The following EPHA5 variants were observed in gnomAD, a reference collection of about 807,000 sequenced individuals.
The protein encoded by EPHA5 is ephrin type-A receptor 5.
A neutral mutation model predicts 105.0 loss-of-function variants in EPHA5; 60 were observed. That is an observed-to-expected ratio of 0.57 (90% confidence interval 0.46 to 0.71). The LOEUF (loss-of-function observed/expected upper bound fraction) is 0.71, where lower values mean the gene tolerates loss of function less well. Among genes scored for constraint, EPHA5 ranks in the 30% least tolerant of loss-of-function variants. The pLI, the probability that EPHA5 is intolerant of heterozygous loss-of-function variation, is 0.00. For synonymous variants in EPHA5, 513 were observed against 449.1 expected, an observed-to-expected ratio of 1.14 and a Z score of -1.80; for missense variants, 1,218 against 1,274.7, an observed-to-expected ratio of 0.96 and a Z score of 0.68.
At chr4:65,549,875 C>G (rs868272292) in intron 3 of EPHA5, among the ~76,000 whole-genome samples, 22 of 151,952 alleles carry the variant, frequency 1.4e-4, no homozygotes, top group Admixed American at 2.6e-4. Context: ...AGTTCCTGTC[C>G]TGCTAAGATT....
At chr4:65,521,655 A>G (rs1734733220) in intron 3 of EPHA5, among the ~76,000 whole-genome samples, 1 of 152,024 alleles carries the variant, frequency 6.6e-6, no homozygotes, top group South Asian at 2.1e-4. Context: ...TTAGAATTGA[A>G]GTATGCTGAG....
intron 5 of EPHA5, among the ~76,000 whole-genome samples, chr4:65,460,815 T>C (rs1196642465): frequency 6.6e-6 from 1 of 151,818 alleles, no homozygotes; most frequent in Non-Finnish European, 1.5e-5. Flanking sequence ...TCAATGTACG[T>C]GTGTGTTTGA....
intron 2 of EPHA5, among the ~76,000 whole-genome samples, chr4:65,616,069 G>T (rs35284261): frequency 0.24 from 37,137 of 151,650 alleles, 5,231 homozygotes; most frequent in East Asian, 0.56. Flanking sequence ...TAAACAAACT[G>T]TAGTACATTA....
At chr4:65,329,877 A>G (rs1401105355) in intron 16 of EPHA5, among the ~76,000 whole-genome samples, 1 of 150,010 alleles carries the variant, frequency 6.7e-6, no homozygotes, top group Non-Finnish European at 1.5e-5. Context: ...AATTTTTTTG[A>G]CCAAGAAAGT....
chr4:65,456,801 T>G (rs184987580), intron 5 of EPHA5, among the ~76,000 whole-genome samples: 54 of 152,148 alleles, frequency 3.5e-4, no homozygotes, highest in African/African-American at 1.3e-3. Flanking sequence ...CAGAGGTGAT[T>G]AGTAATACAT....
chr4:65,584,337 A>C (rs1454367181), intron 3 of EPHA5, among the ~76,000 whole-genome samples: 2 of 151,914 alleles, frequency 1.3e-5, no homozygotes, highest in African/African-American at 4.8e-5. Context: ...TAATGTCTTA[A>C]CTATGGAATT....
intron 3 of EPHA5, among the ~76,000 whole-genome samples, chr4:65,601,034 T>C (rs924375588): frequency 6.6e-6 from 1 of 152,164 alleles, no homozygotes; most frequent in Non-Finnish European, 1.5e-5. Context: ...AAATAGTTAT[T>C]TTTGTGGGGC....
At chr4:65,382,754 A>T (rs1719683729) in intron 8 of EPHA5, among the ~76,000 whole-genome samples, 1 of 151,780 alleles carries the variant, frequency 6.6e-6, no homozygotes, top group African/African-American at 2.4e-5. Flanking sequence ...GAACTCAAAC[A>T]TCATTATTTT....
rs780756647 is a variant in EPHA5 at position 65,490,540 on chromosome 4, C to A, written c.1239G>T (p.Arg413Ser). 13 of 1,614,066 alleles carry A rather than the reference C, an allele frequency of 8.1e-6. No individual in the cohort carries two copies. The highest frequency in any genetic ancestry group is 5.3e-5 in the African/African-American group (4 of 75,008). The change falls in exon 5 of 17, where the codon AGG (arginine) becomes AGT (serine). Residue 413 changes from arginine to serine, a missense_variant. Arg to Ser is a moderately radical substitution (Grantham distance 110, BLOSUM62 -1). Transcript: ENST00000613740. ...TCAGGCCGCTTTGCCGGGGAAGGTA[C>A]CTGACATGACCGCCACACTCCTCAC... ...GVCEECGGHV[R>S]YLPRQSGLKN...
At chr4:65,391,614 C>T (rs1371900078) in intron 8 of EPHA5, among the ~76,000 whole-genome samples, 1 of 152,038 alleles carries the variant, frequency 6.6e-6, no homozygotes, top group East Asian at 1.9e-4. Context: ...GTATCAGGTT[C>T]CTGTGAAAGG....
intron 3 of EPHA5, among the ~76,000 whole-genome samples, chr4:65,599,082 A>C (rs1247276471): frequency 3.3e-5 from 5 of 151,940 alleles, no homozygotes; most frequent in Admixed American, 2.0e-4. Flanking sequence ...ATTAAATTTG[A>C]AAACAAAGTT....
At chr4:65,472,102 T>C (rs1207022387) in intron 5 of EPHA5, among the ~76,000 whole-genome samples, 1 of 152,194 alleles carries the variant, frequency 6.6e-6, no homozygotes, top group Non-Finnish European at 1.5e-5. Flanking sequence ...AGGCATTGGA[T>C]ACATGCTCTC....
intron 1 of EPHA5, chr4:65,669,338 C>G (rs930091503): frequency 6.3e-5 from 60 of 947,568 alleles, no homozygotes; most frequent in Non-Finnish European, 7.2e-5. Context: ...TCTGTCCACA[C>G]GCATGTTCCT....
chr4:65,664,293 C>G (rs918205746), intron 1 of EPHA5, among the ~76,000 whole-genome samples: 1 of 151,858 alleles, frequency 6.6e-6, no homozygotes, highest in African/African-American at 2.4e-5. Flanking sequence ...ACTGTCATAT[C>G]ATGCCTTCAA....
chr4:65,399,016 A>T (rs1160765092), intron 8 of EPHA5, among the ~76,000 whole-genome samples: 1 of 152,186 alleles, frequency 6.6e-6, no homozygotes, highest in African/African-American at 2.4e-5. Flanking sequence ...CCTCTCAACT[A>T]CACTCACCAT....
At chr4:65,334,196 A>ACTT (rs1458136971) in intron 15 of EPHA5, among the ~76,000 whole-genome samples, 1 of 152,006 alleles carries the variant, frequency 6.6e-6, no homozygotes, top group African/African-American at 2.4e-5. Flanking sequence ...AAAGGCAAAT[A>ACTT]CTTAGGTCTA....
At chr4:65,510,262 C>T (rs542217142) in intron 3 of EPHA5, among the ~76,000 whole-genome samples, 76 of 149,636 alleles carry the variant, frequency 5.1e-4, no homozygotes, top group Middle Eastern at 3.4e-3. Context: ...TCAGGCTGGT[C>T]TCGAACTCCC....
At chr4:65,578,820 A>T (rs1741322684) in intron 3 of EPHA5, among the ~76,000 whole-genome samples, 1 of 152,128 alleles carries the variant, frequency 6.6e-6, no homozygotes, top group Admixed American at 6.6e-5. Context: ...AAAGAAACTC[A>T]ATGCTGACTA....
At chr4:65,342,136 G>A (rs2148826264) in intron 14 of EPHA5, among the ~76,000 whole-genome samples, 1 of 147,012 alleles carries the variant, frequency 6.8e-6, no homozygotes, top group Non-Finnish European at 1.5e-5. Context: ...AATCCAAGAT[G>A]ACTGGTTTAA....
Sources: gnomAD v4.1 joint callset for allele counts (sites outside exome capture counted in the v4.1 genomes callset) on GRCh38, gnomAD v4.1.1 for gene constraint, MANE v1.5 for transcripts, NCBI Gene and HGNC (gene_info 2026-07-23, HGNC 2026-07-21) for gene names.